CCL26: variants seen among roughly 807,000 people sequenced by gnomAD.
CCL26 encodes the protein C-C motif chemokine 26.
Under a neutral mutation model 10.7 loss-of-function variants are expected in CCL26, and 10 were observed. The observed-to-expected ratio is 0.93, with a 90% CI of 0.57 to 1.58. The LOEUF (loss-of-function observed/expected upper bound fraction) is 1.58, where lower values mean the gene tolerates loss of function less well. Among genes scored for constraint, CCL26 ranks in the 40% most tolerant of loss-of-function variants. The pLI, the probability that CCL26 is intolerant of heterozygous loss-of-function variation, is 0.00. For missense variants in CCL26, 116 were observed against 111.0 expected (o/e 1.05, Z -0.20); for synonymous variants, 43 against 41.4 (o/e 1.04, Z -0.15).
chr7:75,773,645 G>A (rs182187247), upstream of CCL26, among the ~76,000 whole-genome samples: 1 of 152,094 alleles, frequency 6.6e-6, no homozygotes, highest in East Asian at 1.9e-4. Flanking sequence ...GAAGGCAGAG[G>A]CAGGGGGATC....
At chr7:75,790,178 C>CTTTCTTTCTTT (rs1554530614), upstream of CCL26, among the ~76,000 whole-genome samples, 26 of 44,336 alleles carry the variant, frequency 5.9e-4, no homozygotes, top group Admixed American at 1.1e-3. Context: ...TTCCTTCCTT[C>CTTTCTTTCTTT]CTTTCTTTCT....
chr7:75,776,752 T>G (rs62475531), upstream of CCL26, among the ~76,000 whole-genome samples: 3,770 of 152,254 alleles, frequency 0.025, 67 homozygotes, highest in Middle Eastern at 0.078. Flanking sequence ...TGTGCCACTA[T>G]GCACACACTC....
intron 1 of CCL26, among the ~76,000 whole-genome samples, chr7:75,777,721 G>GAAAAAAA (rs60039632): frequency 0.04 from 2,409 of 60,480 alleles, 673 homozygotes; most frequent in South Asian, 0.15. Flanking sequence ...TCCTGTCTCA[G>GAAAAAAA]AAAAAAAAAA....
At chr7:75,786,630 C>CCCG (rs1803189700) in intron 1 of CCL26, among the ~76,000 whole-genome samples, 1 of 152,160 alleles carries the variant, frequency 6.6e-6, no homozygotes, top group African/African-American at 2.4e-5. Flanking sequence ...GGCATCAGAT[C>CCCG]CCGTAGCTCA....
Position 75,769,678 on chromosome 7 carries a change from G to A in CCL26, c.*15C>T. 6.4e-7 allele frequency: 1 copy of A among 1,570,566 alleles called. No individual in the cohort carries two copies. The highest frequency in any genetic ancestry group is 8.8e-7 in the Non-Finnish European group (1 of 1,140,402). On this transcript the variant is annotated 3_prime_UTR_variant, in exon 3 of 3. Coordinates refer to ENST00000005180, the MANE Select transcript of CCL26 (RefSeq NM_001371938.1). ...GAGCGGGGTCCAAGCGTCCTCGGAT[G>A]AAAATTCAGCTGAGTCACAATTGTT...
chr7:75,776,706 T>C (rs1292549437), upstream of CCL26, among the ~76,000 whole-genome samples: 1 of 152,154 alleles, frequency 6.6e-6, no homozygotes, highest in Non-Finnish European at 1.5e-5. Context: ...AACTTGGTTT[T>C]ATTAGTCATC....
chr7:75,791,149 C>T (rs972259914), upstream of CCL26, among the ~76,000 whole-genome samples: 3 of 151,760 alleles, frequency 2.0e-5, no homozygotes, highest in African/African-American at 7.3e-5. Context: ...GCCTCAGCCT[C>T]CCGAGTAGCT....
At chr7:75,791,052 G>T (rs1327815860), upstream of CCL26, among the ~76,000 whole-genome samples, 8 of 140,916 alleles carry the variant, frequency 5.7e-5, no homozygotes, top group African/African-American at 2.1e-4. Context: ...TTGAGACAGA[G>T]TCTTGCTCTT....
intron 1 of CCL26, among the ~76,000 whole-genome samples, chr7:75,781,133 G>A (rs1585013663): frequency 2.0e-5 from 3 of 152,176 alleles, no homozygotes; most frequent in Admixed American, 1.3e-4. Context: ...TCAGAAGGCC[G>A]TCTTATTCTC....
intron 1 of CCL26, among the ~76,000 whole-genome samples, chr7:75,785,027 A>G (rs1803153132): frequency 6.6e-6 from 1 of 152,206 alleles, no homozygotes; most frequent in Non-Finnish European, 1.5e-5. Context: ...TTACCTGTCC[A>G]AAAACCAGAC....
upstream of CCL26, among the ~76,000 whole-genome samples, chr7:75,777,122 C>G (rs1246846370): frequency 6.6e-6 from 1 of 152,048 alleles, no homozygotes; most frequent in Non-Finnish European, 1.5e-5. Context: ...ATTTCAGCTA[C>G]TCAGGAGGCT....
chr7:75,790,218 TCTTC>T (rs1242802621), upstream of CCL26, among the ~76,000 whole-genome samples: 858 of 66,672 alleles, frequency 0.013, 25 homozygotes, highest in African/African-American at 0.019. Context: ...TTTCTTTCTT[TCTTC>T]CTTCCTTCCT....
At chr7:75,786,452 C>T (rs1013889868) in intron 1 of CCL26, among the ~76,000 whole-genome samples, 1 of 152,134 alleles carries the variant, frequency 6.6e-6, no homozygotes, top group African/African-American at 2.4e-5. Context: ...AGGGACTACG[C>T]GTCAATATTT....
intron 1 of CCL26, among the ~76,000 whole-genome samples, chr7:75,787,567 C>T (rs1446478495): frequency 6.8e-6 from 1 of 146,088 alleles, no homozygotes; most frequent in Non-Finnish European, 1.5e-5. Flanking sequence ...ATGGTGTGAA[C>T]CTGGGATGTG....
intron 1 of CCL26, among the ~76,000 whole-genome samples, chr7:75,786,648 G>T (rs1210442275): frequency 6.6e-6 from 1 of 152,272 alleles, no homozygotes; most frequent in East Asian, 1.9e-4. Context: ...TCAGGGCAAC[G>T]CTTATGCTGA....
In CCL26 at chr7:75,769,795, A is replaced by T; in HGVS notation, c.189-6T>A. ...TGCCTCTTTTGGTAGTGAATCTGTG[A>T]AAAAGAGACACGGATAAGTCAATAT... On this transcript the variant is annotated splice_polypyrimidine_tract_variant and splice_region_variant and intron_variant, in intron 2 of 2. Coordinates refer to ENST00000005180, the MANE Select transcript of CCL26 (RefSeq NM_001371938.1). The T allele has an allele frequency of 6.4e-7, 1 of 1,555,354 alleles. No individual in the cohort carries two copies. Among genetic ancestry groups the T allele is most frequent in the Non-Finnish European group, 8.9e-7 (1 of 1,126,554 alleles).
rs60039632 is a variant in CCL26 at position 75,777,721 on chromosome 7, GAAAAAAA to G, written c.-78-5474_-78-5468del. On this transcript the variant is annotated intron_variant, in intron 1 of 3. Coordinates refer to the CCL26 transcript ENST00000394905. ...CCCAACAGAGTGAGATCCTGTCTCA[GAAAAAAA>G]AAAAAAAAAAAAAAGCAGCAGCAGC... Among the ~76,000 whole-genome samples, 5 of 60,552 alleles carry G rather than the reference GAAAAAAA, an allele frequency of 8.3e-5. No homozygotes were observed. The South Asian group carries it at 2.7e-3, about 33-fold the overall frequency. 39.7% of individuals were successfully genotyped at this position (60,552 alleles called of 152,430 possible).
At chr7:75,770,312 C>T (rs1000815763) in intron 2 of CCL26, among the ~76,000 whole-genome samples, 5 of 152,034 alleles carry the variant, frequency 3.3e-5, no homozygotes, top group African/African-American at 9.7e-5. Flanking sequence ...TCAGGTGATC[C>T]GCCTGTGTTG....
At chr7:75,783,798 A>G (rs1389067140) in intron 1 of CCL26, among the ~76,000 whole-genome samples, 2 of 151,780 alleles carry the variant, frequency 1.3e-5, no homozygotes, top group Non-Finnish European at 2.9e-5. Flanking sequence ...AAAAAAAAAA[A>G]AAAAAGAAAG....
Sources: allele counts gnomAD v4.1 joint callset (sites outside exome capture counted in the v4.1 genomes callset), GRCh38; gene constraint gnomAD v4.1.1; transcripts MANE v1.5; gene names NCBI Gene and HGNC (gene_info 2026-07-23, HGNC 2026-07-21).